ALOX5: variants seen among roughly 807,000 people sequenced by gnomAD.
The protein encoded by ALOX5 is polyunsaturated fatty acid 5-lipoxygenase.
ALOX5 carries 64 observed loss-of-function variants against 87.9 expected under a neutral mutation model. The observed-to-expected ratio is 0.73, with a 90% confidence interval of 0.60 to 0.90. The LOEUF is 0.90. ALOX5 is among the 40% of genes least tolerant of loss of function. ALOX5 has a pLI of 0.00. For synonymous variants in ALOX5, 388 were observed against 355.1 expected (o/e 1.09, Z -1.04); for missense variants, 822 against 907.5 (o/e 0.91, Z 1.21).
chr10:45,374,836 G>T (rs1447076685), intron 1 of ALOX5, among the ~76,000 whole-genome samples: 2 of 152,166 alleles, frequency 1.3e-5, no homozygotes, highest in East Asian at 1.9e-4. Flanking sequence ...TCTGCAGGTC[G>T]CACAGGGAGG....
At chr10:45,391,493 G>T (rs1840251596) in intron 2 of ALOX5, among the ~76,000 whole-genome samples, 1 of 152,166 alleles carries the variant, frequency 6.6e-6, no homozygotes, top group South Asian at 2.1e-4. Flanking sequence ...TGCCGAGATT[G>T]CAGCCTCTGC....
chr10:45,426,875 C>T (rs1223514896), intron 6 of ALOX5, among the ~76,000 whole-genome samples: 1 of 152,102 alleles, frequency 6.6e-6, no homozygotes, highest in Non-Finnish European at 1.5e-5. Flanking sequence ...ATTTACCTTC[C>T]ACCAGCTTAG....
rs569106894 is a variant in ALOX5, at chr10:45,441,750, A to G, written c.1272+320A>G. Among the ~76,000 whole-genome samples, 247 of 147,852 alleles carry G rather than the reference A, an allele frequency of 1.7e-3. 3 individuals are homozygous for G. The highest frequency in any genetic ancestry group is 5.1e-3 in the African/African-American group (202 of 39,620). On this transcript the variant is annotated intron_variant, in intron 9 of 13. Coordinates refer to ENST00000374391, the MANE Select transcript of ALOX5 (RefSeq NM_000698.5). ...ACTCCTTATGGCCCCCTGACCTCCTACGCACCAGGAACCTGTGTCTGCCTC... is the reference window on the plus strand; with the variant it reads ...ACTCCTTATGGCCCCCTGACCTCCTGCGCACCAGGAACCTGTGTCTGCCTC...
At chr10:45,432,918 T>G (rs1378450800) in intron 7 of ALOX5, among the ~76,000 whole-genome samples, 1 of 152,168 alleles carries the variant, frequency 6.6e-6, no homozygotes, top group African/African-American at 2.4e-5. Context: ...AGCTAAGAGA[T>G]GCCTATCTAT....
chr10:45,426,764 GTC>G (rs573681047), intron 6 of ALOX5, among the ~76,000 whole-genome samples: 1 of 152,152 alleles, frequency 6.6e-6, no homozygotes, highest in Non-Finnish European at 1.5e-5. Context: ...CCCCTGCACT[GTC>G]TCTCTCTCGC....
At chr10:45,407,819 A>G (rs760771195) in intron 3 of ALOX5, among the ~76,000 whole-genome samples, 1 of 152,198 alleles carries the variant, frequency 6.6e-6, no homozygotes, top group Non-Finnish European at 1.5e-5. Context: ...TTGCATTGCC[A>G]TGGTGAAATT....
At chr10:45,397,157 T>C (rs1840539751) in intron 3 of ALOX5, among the ~76,000 whole-genome samples, 1 of 152,058 alleles carries the variant, frequency 6.6e-6, no homozygotes, top group Non-Finnish European at 1.5e-5. Context: ...CCAAGGCGGG[T>C]GGATCACGAT....
intron 7 of ALOX5, among the ~76,000 whole-genome samples, chr10:45,436,885 A>C (rs150162515): frequency 6.6e-6 from 1 of 152,006 alleles, no homozygotes; most frequent in Non-Finnish European, 1.5e-5. Flanking sequence ...TGTGTCATCT[A>C]TGATTTCTTT....
At chr10:45,406,483 T>C (rs1840889731) in intron 3 of ALOX5, among the ~76,000 whole-genome samples, 1 of 152,228 alleles carries the variant, frequency 6.6e-6, no homozygotes, top group South Asian at 2.1e-4. Flanking sequence ...GGCATTTTAC[T>C]GAGATTCAGT....
rs77354597 is a variant in ALOX5, at chr10:45,444,533, T to G, written c.1845+247T>G. The G allele has an allele frequency of 1.3e-3, 594 of 467,964 alleles. 10 individuals carry two copies. In the East Asian group the frequency reaches 0.017, roughly 13 times the overall value. The allele number at this position is 467,964 out of a possible 1,614,324, so 29.0% of individuals were successfully genotyped here. A position where few individuals can be genotyped will look rare whatever the true frequency, so the allele number is the denominator to read the frequency against. On this transcript the variant is annotated intron_variant, in intron 13 of 13. Transcript: ENST00000374391. ...TTTGCTCACTGTCACCAGAGGGTCGTGTGTGACGCCCCCTCCCCCCAGCTA... is the reference window on the plus strand; with the variant it reads ...TTTGCTCACTGTCACCAGAGGGTCGGGTGTGACGCCCCCTCCCCCCAGCTA...
intron 3 of ALOX5, among the ~76,000 whole-genome samples, chr10:45,406,621 C>T (rs1472272617): frequency 6.6e-6 from 1 of 152,136 alleles, no homozygotes; most frequent in Admixed American, 6.5e-5. Flanking sequence ...TTAGCATTTG[C>T]TGTTCTGAGT....
chr10:45,399,320 G>T (rs529006947), intron 3 of ALOX5, among the ~76,000 whole-genome samples: 3 of 152,240 alleles, frequency 2.0e-5, no homozygotes, highest in African/African-American at 7.2e-5. Context: ...GGGAGTGACA[G>T]CTAAAGGATA....
In ALOX5 at chr10:45,401,355, T is replaced by A. The variant is rs1277100722; in HGVS notation, c.431+5419T>A. ...ATGTAGTATATCTGGGTTGTTTTTTTAACTCAAAAAAGTAAAAGAAGGAAA... is the reference window on the plus strand; with the variant it reads ...ATGTAGTATATCTGGGTTGTTTTTTAAACTCAAAAAAGTAAAAGAAGGAAA... On this transcript the variant is annotated intron_variant, in intron 3 of 13. Coordinates refer to ENST00000374391, the MANE Select transcript of ALOX5 (RefSeq NM_000698.5). Among the ~76,000 whole-genome samples, 4 of 152,162 alleles carry A rather than the reference T, an allele frequency of 2.6e-5. No individual in the cohort carries two copies. In the East Asian group the frequency reaches 7.7e-4, roughly 29 times the overall value.
chr10:45,442,013 C>A (rs542008621), intron 9 of ALOX5, among the ~76,000 whole-genome samples: 1 of 152,300 alleles, frequency 6.6e-6, no homozygotes, highest in African/African-American at 2.4e-5. Flanking sequence ...AGTGACCAGG[C>A]CAGATGACCA....
chr10:45,390,719 C>G (rs987896868), intron 2 of ALOX5, among the ~76,000 whole-genome samples: 1 of 152,180 alleles, frequency 6.6e-6, no homozygotes, highest in African/African-American at 2.4e-5. Flanking sequence ...TATAGCACTA[C>G]ATGCCCACAA....
At chr10:45,441,587 C>T (rs1842237040) in intron 9 of ALOX5, 157 bp downstream of exon 9, 2 of 676,260 alleles carry the variant, frequency 3.0e-6, no homozygotes, top group Admixed American at 6.0e-5. Context: ...ATGTCTCCAG[C>T]CCGTGCCATT....
chr10:45,413,009 A>G (rs943237837), intron 4 of ALOX5, among the ~76,000 whole-genome samples: 19 of 152,196 alleles, frequency 1.2e-4, no homozygotes, highest in Admixed American at 1.0e-3. Flanking sequence ...CATTGACCCT[A>G]TAGGGAATTT....
intron 13 of ALOX5, 113 bp downstream of exon 13, chr10:45,444,399 G>GA: frequency 2.2e-6 from 3 of 1,376,310 alleles, no homozygotes; most frequent in Non-Finnish European, 2.9e-6. Context: ...AAGGAATCCT[G>GA]ACTTCCAAGG....
At chr10:45,402,471 C>T (rs1840736747) in intron 3 of ALOX5, among the ~76,000 whole-genome samples, 1 of 152,138 alleles carries the variant, frequency 6.6e-6, no homozygotes, top group African/African-American at 2.4e-5. Context: ...AGGACAGGGG[C>T]CAGCCAGCAC....
Sources: allele counts gnomAD v4.1 joint callset (sites outside exome capture counted in the v4.1 genomes callset), GRCh38; gene constraint gnomAD v4.1.1; transcripts MANE v1.5; gene names NCBI Gene and HGNC (gene_info 2026-07-23, HGNC 2026-07-21).